Variants in VIRMA observed in about 807,000 individuals in gnomAD.
The protein encoded by VIRMA is vir like m6A methyltransferase associated.
In VIRMA, 65 loss-of-function variants were observed where a neutral mutation model predicts 182.4. The observed-to-expected ratio is 0.36, with a 90% confidence interval of 0.29 to 0.44. The LOEUF (loss-of-function observed/expected upper bound fraction) is 0.44, where lower values mean the gene tolerates loss of function less well. VIRMA is among the 20% of genes least tolerant of loss of function. VIRMA has a pLI of 1.00. For synonymous variants in VIRMA, 709 were observed against 743.1 expected (o/e 0.95, Z 0.75); for missense variants, 1,752 against 2,158.1 (o/e 0.81, Z 3.73).
In VIRMA at chr8:94,520,185, C is replaced by CCA. The variant is rs1814713484; in HGVS notation, c.2022-710_2022-709insTG. Among the ~76,000 whole-genome samples the CCA allele has an allele frequency of 3.6e-5, 3 of 82,978 alleles. No individual in the cohort carries two copies. In the Admixed American group the frequency reaches 3.8e-4, roughly 11 times the overall value. The allele number at this position is 82,978 out of a possible 152,430, so 54.4% of individuals were successfully genotyped here. On this transcript the variant is annotated intron_variant, in intron 8 of 23. Coordinates refer to ENST00000297591, the MANE Select transcript of VIRMA (RefSeq NM_015496.5). ...CTCCAACCTGAGTGAGACCCTGCAT[C>CCA]AAAAAAAAAAAAAAAAAAAAAAGCC...
In VIRMA at chr8:94,544,395, G is replaced by A. The variant is rs186197501; in HGVS notation, c.64-453C>T. On this transcript the variant is annotated intron_variant, in intron 1 of 23. Coordinates refer to ENST00000297591, the MANE Select transcript of VIRMA (RefSeq NM_015496.5). ...TTCACACTAAATAAAGATTATGGCC[G>A]GGCGCAGTGGCTCACACCTGTAATC... Among the ~76,000 whole-genome samples the A allele has an allele frequency of 1.5e-3, 231 of 152,100 alleles. 1 individual carries two copies. Among genetic ancestry groups the A allele is most frequent in the Admixed American group, 0.013 (202 of 15,264 alleles).
At chr8:94,495,000 C>A in intron 19 of VIRMA, 44 bp from the exon 20 acceptor site, 4 of 1,359,332 alleles carry the variant, frequency 2.9e-6, no homozygotes, top group South Asian at 2.4e-5. Flanking sequence ...ATTCTAAAAT[C>A]AAATTTCAAT....
At chr8:94,504,038 G>A (rs896689376) in intron 16 of VIRMA, among the ~76,000 whole-genome samples, 48 of 152,186 alleles carry the variant, frequency 3.2e-4, no homozygotes, top group African/African-American at 8.7e-4. Context: ...ACTGGGTGTG[G>A]TGGTGCATGC....
At chr8:94,534,340 T>C (rs1815265135) in intron 5 of VIRMA, 2 of 154,816 alleles carry the variant, frequency 1.3e-5, no homozygotes, top group African/African-American at 4.8e-5. Context: ...GAATAGTCAC[T>C]AGATTGCATT....
intron 2 of VIRMA, among the ~76,000 whole-genome samples, chr8:94,543,399 C>T (rs1322399182): frequency 1.5e-5 from 1 of 65,320 alleles, no homozygotes; most frequent in Non-Finnish European, 2.8e-5. Flanking sequence ...AAAACTCCAT[C>T]TCAAAAAAAA....
intron 2 of VIRMA, 141 bp from the exon 3 acceptor site, chr8:94,538,487 A>G: frequency 1.7e-6 from 1 of 582,732 alleles, no homozygotes. Flanking sequence ...ACAAAAATAT[A>G]GTTAACTATG....
chr8:94,489,054 T>C (rs1026540935), intron 23 of VIRMA, among the ~76,000 whole-genome samples, 194 bp from the exon 24 acceptor site: 1 of 152,214 alleles, frequency 6.6e-6, no homozygotes, highest in African/African-American at 2.4e-5. Context: ...TATATGAGAA[T>C]TATATCCTAA....
At chr8:94,550,322 T>C (rs535552957) in intron 1 of VIRMA, among the ~76,000 whole-genome samples, 37 of 151,488 alleles carry the variant, frequency 2.4e-4, no homozygotes, top group African/African-American at 8.5e-4. Flanking sequence ...AGACGGAGTC[T>C]CGCTCTGTCA....
intron 5 of VIRMA, among the ~76,000 whole-genome samples, chr8:94,531,777 CA>C (rs1815183224): frequency 6.6e-6 from 1 of 152,118 alleles, no homozygotes; most frequent in East Asian, 1.9e-4. Flanking sequence ...AGCCAAAAAA[CA>C]GAGACTACCC....
chr8:94,489,855 C>G (rs1383556766), intron 23 of VIRMA, 84 bp downstream of exon 23: 1 of 1,440,606 alleles, frequency 6.9e-7, no homozygotes, highest in Non-Finnish European at 9.5e-7. Flanking sequence ...GCACCCCTAG[C>G]CCCCTCTGTA....
Position 94,537,118 on chromosome 8 carries a change from A to C in VIRMA, c.300T>G (p.Phe100Leu). The C allele has an allele frequency of 1.2e-6, 2 of 1,605,204 alleles. No individual in the cohort carries two copies. The highest frequency in any genetic ancestry group is 8.5e-7 in the Non-Finnish European group (1 of 1,171,950). The change falls in exon 4 of 24, where the codon TTT (phenylalanine) becomes TTG (leucine). Residue 100 changes from phenylalanine (F) to leucine (L), a missense_variant. By Grantham distance (22) the Phe-to-Leu change is conservative. Around this residue, in one of 11 missense-constraint regions of VIRMA, gnomAD observed 195 missense variants for 191.7 expected, o/e 1.02. Coordinates refer to ENST00000297591, the MANE Select transcript of VIRMA (RefSeq NM_015496.5). ...LEYDENTSII[F>L]RPNSKVNTDG... ...CCAGAATTACCTTTGAGTTAGGTCT[A>C]AAGATGATGGAAGTATTCTCATCAT...
chr8:94,496,220 A>C, intron 18 of VIRMA, 108 bp downstream of exon 18: 1 of 903,334 alleles, frequency 1.1e-6, no homozygotes, highest in Non-Finnish European at 1.6e-6. Flanking sequence ...TGGTACAAAC[A>C]CCCAGCTAAA....
intron 10 of VIRMA, among the ~76,000 whole-genome samples, chr8:94,517,154 AATAC>A (rs1814587942): frequency 6.6e-6 from 1 of 152,214 alleles, no homozygotes. Context: ...TTTATGTAGA[AATAC>A]ATACACAGCA....
chr8:94,549,183 A>T (rs1238620776), intron 1 of VIRMA, among the ~76,000 whole-genome samples: 1 of 152,254 alleles, frequency 6.6e-6, no homozygotes, highest in Non-Finnish European at 1.5e-5. Context: ...TGGCCTTATA[A>T]ATGTGTATCA....
Position 94,546,054 on chromosome 8 carries a change from C to CA in VIRMA, c.64-2113dup, listed in dbSNP as rs202226902. Among the ~76,000 whole-genome samples, 721 of 123,354 alleles carry CA rather than the reference C, an allele frequency of 5.8e-3. 7 individuals carry two copies. Among genetic ancestry groups the CA allele is most frequent in the South Asian group, 0.023 (93 of 4,096 alleles). The allele number at this position is 123,354 out of a possible 152,430, so 80.9% of individuals were successfully genotyped here. ...CCTAAGCAACAAAGCGAGACTCTGT[C>CA]AAAAAAAAAAAAGGGAAAGAAAGAA... On this transcript the variant is annotated intron_variant, in intron 1 of 23. Transcript: ENST00000297591.
At chr8:94,524,893 A>G (rs575438714) in intron 8 of VIRMA, among the ~76,000 whole-genome samples, 5 of 152,162 alleles carry the variant, frequency 3.3e-5, no homozygotes, top group Non-Finnish European at 5.9e-5. Context: ...TCCTAAAACT[A>G]TTTGCTTCCT....
At chr8:94,519,976 C>T (rs1186790785) in intron 8 of VIRMA, among the ~76,000 whole-genome samples, 2 of 151,898 alleles carry the variant, frequency 1.3e-5, no homozygotes, top group South Asian at 2.1e-4. Context: ...TTTGGGAGGC[C>T]GAGGCAGGCA....
intron 4 of VIRMA, among the ~76,000 whole-genome samples, chr8:94,536,571 C>T (rs527366578): frequency 6.6e-6 from 1 of 152,228 alleles, no homozygotes; most frequent in Non-Finnish European, 1.5e-5. Flanking sequence ...AGCACAAATG[C>T]TGGCCTCTTC....
chr8:94,490,515 T>C (rs1431682744), intron 22 of VIRMA, among the ~76,000 whole-genome samples: 1 of 152,208 alleles, frequency 6.6e-6, no homozygotes, highest in African/African-American at 2.4e-5. Context: ...ATCAATCCAC[T>C]ACTAAAGTAT....
Sources: gnomAD v4.1 joint callset for allele counts (sites outside exome capture counted in the v4.1 genomes callset) on GRCh38, gnomAD v4.1.1 for gene constraint, gnomAD v4.1.1 regional missense constraint, MANE v1.5 for transcripts, NCBI Gene and HGNC (gene_info 2026-07-23, HGNC 2026-07-21) for gene names.